FBXL17: variants seen among roughly 807,000 people sequenced by gnomAD.
The protein encoded by FBXL17 is F-box/LRR-repeat protein 17.
In FBXL17, 22 loss-of-function variants were observed where a neutral mutation model predicts 66.2. The observed-to-expected ratio is 0.33, with a 90% confidence interval of 0.24 to 0.47. FBXL17 has a LOEUF of 0.47. Ranked by LOEUF, FBXL17 falls within the 20% of genes least tolerant of loss-of-function variation. The probability of loss-of-function intolerance (pLI) is 1.00; values close to 1 mark genes in which losing one functional copy is unlikely to be tolerated. For missense variants in FBXL17, 878 were observed against 948.2 expected (o/e 0.93, Z 0.97); for synonymous variants, 474 against 400.5 (o/e 1.18, Z -2.19).
chr5:108,022,678 G>A (rs920570140), intron 6 of FBXL17, among the ~76,000 whole-genome samples: 2 of 151,984 alleles, frequency 1.3e-5, no homozygotes, highest in African/African-American at 4.8e-5. Flanking sequence ...CTAAACAAGT[G>A]CAATATCCTA....
intron 6 of FBXL17, among the ~76,000 whole-genome samples, chr5:108,114,174 G>A: frequency 6.6e-6 from 1 of 152,028 alleles, no homozygotes; most frequent in South Asian, 2.1e-4. Context: ...CTCCCGAAGA[G>A]TTTATACTCC....
chr5:108,022,890 A>C (rs1430616961), intron 6 of FBXL17, among the ~76,000 whole-genome samples: 1 of 152,050 alleles, frequency 6.6e-6, no homozygotes, highest in Non-Finnish European at 1.5e-5. Flanking sequence ...TGTCCTAAAA[A>C]CTGATAAAGG....
intron 7 of FBXL17, among the ~76,000 whole-genome samples, chr5:107,972,775 T>G (rs1204747736): frequency 6.6e-6 from 1 of 152,200 alleles, no homozygotes; most frequent in Non-Finnish European, 1.5e-5. Flanking sequence ...CCATAAAGAT[T>G]TGTCACTTTT....
At chr5:108,256,788 C>T (rs1756594939) in intron 4 of FBXL17, among the ~76,000 whole-genome samples, 1 of 151,652 alleles carries the variant, frequency 6.6e-6, no homozygotes, top group Admixed American at 6.6e-5. Flanking sequence ...TATACTATTC[C>T]TATTATTCCT....
chr5:108,342,236 T>C (rs775034086), intron 4 of FBXL17, among the ~76,000 whole-genome samples: 3 of 152,170 alleles, frequency 2.0e-5, no homozygotes, highest in African/African-American at 7.2e-5. Context: ...AATCAAAATA[T>C]CACAAAAATG....
At chr5:108,077,065 G>A (rs1423966499) in intron 6 of FBXL17, among the ~76,000 whole-genome samples, 1 of 151,938 alleles carries the variant, frequency 6.6e-6, no homozygotes, top group Non-Finnish European at 1.5e-5. Flanking sequence ...AAGTTATTTT[G>A]GGACCTCAAA....
intron 6 of FBXL17, among the ~76,000 whole-genome samples, chr5:108,086,651 T>C (rs1333455267): frequency 1.3e-5 from 2 of 152,118 alleles, no homozygotes; most frequent in Non-Finnish European, 2.9e-5. Flanking sequence ...CTCCGCCTCC[T>C]GGGTTCAAGT....
intron 6 of FBXL17, among the ~76,000 whole-genome samples, chr5:108,126,631 G>GTCTCTGTCTCTCTCTCTCTCTC (rs1750708171): frequency 6.2e-5 from 7 of 112,574 alleles, no homozygotes; most frequent in Non-Finnish European, 1.1e-4. Context: ...CTGTCTCTCT[G>GTCTCTGTCTCTCTCTCTCTCTC]TCTCTCTCTC....
At chr5:108,308,083 T>C (rs1276785441) in intron 4 of FBXL17, among the ~76,000 whole-genome samples, 3 of 152,096 alleles carry the variant, frequency 2.0e-5, no homozygotes, top group Non-Finnish European at 4.4e-5. Context: ...AACACGACCT[T>C]GTCCCCATTT....
chr5:108,081,140 A>C (rs995859798), intron 6 of FBXL17, among the ~76,000 whole-genome samples: 1 of 152,038 alleles, frequency 6.6e-6, no homozygotes, highest in African/African-American at 2.4e-5. Context: ...TTATTGCAAC[A>C]AAGAGTCAGT....
At chr5:108,172,366 A>C (rs1580552097) in intron 6 of FBXL17, among the ~76,000 whole-genome samples, 2 of 152,340 alleles carry the variant, frequency 1.3e-5, no homozygotes, top group Non-Finnish European at 2.9e-5. Flanking sequence ...CACAGATATA[A>C]GAGGATAGAA....
chr5:108,134,066 T>C (rs1182085903), intron 6 of FBXL17, among the ~76,000 whole-genome samples: 2 of 152,160 alleles, frequency 1.3e-5, no homozygotes, highest in African/African-American at 2.4e-5. Flanking sequence ...TACCATTACT[T>C]AGGAAAGCCC....
intron 7 of FBXL17, among the ~76,000 whole-genome samples, chr5:107,935,267 A>G (rs1210825538): frequency 6.6e-6 from 1 of 152,084 alleles, no homozygotes; most frequent in Non-Finnish European, 1.5e-5. Flanking sequence ...TTTACACTGG[A>G]AGGAGAATAC....
At chr5:108,163,573 T>C (rs955525923) in intron 6 of FBXL17, among the ~76,000 whole-genome samples, 17 of 152,036 alleles carry the variant, frequency 1.1e-4, no homozygotes, top group East Asian at 5.8e-4. Flanking sequence ...GCTAATTTTT[T>C]TGTGTTTTTA....
chr5:107,879,561 A>G lies in FBXL17; in HGVS notation c.1965+1476T>C, dbSNP rs1389225526. On this transcript the variant is annotated intron_variant, in intron 8 of 8. Transcript: ENST00000542267. ...CATAACTAGCTGGCAAAGGTCTCGT[A>G]TAAGTTGGGATTCTAAAGTGTTTGG... The G allele has an allele frequency of 7.1e-6, 7 of 985,342 alleles. No individual in the cohort carries two copies. The Admixed American group carries it at 3.7e-4, about 52-fold the overall frequency. 61.0% of individuals were successfully genotyped at this position (985,342 alleles called of 1,614,324 possible). A position where few individuals can be genotyped will look rare whatever the true frequency, so the allele number is the denominator to read the frequency against.
chr5:108,062,765 A>G (rs1174183821), intron 6 of FBXL17, among the ~76,000 whole-genome samples: 1 of 152,156 alleles, frequency 6.6e-6, no homozygotes, highest in Non-Finnish European at 1.5e-5. Flanking sequence ...CATATAATCC[A>G]TAAATGTACA....
intron 5 of FBXL17, among the ~76,000 whole-genome samples, chr5:108,212,990 CT>C (rs949910673): frequency 1.3e-5 from 2 of 152,038 alleles, no homozygotes; most frequent in African/African-American, 4.8e-5. Context: ...GAACTGTTGT[CT>C]TTTTTTTCAG....
intron 6 of FBXL17, among the ~76,000 whole-genome samples, chr5:108,087,697 A>G (rs961661224): frequency 2.0e-5 from 3 of 152,124 alleles, no homozygotes; most frequent in Non-Finnish European, 2.9e-5. Flanking sequence ...TTATAAAAAC[A>G]TAAGCAGAAA....
intron 7 of FBXL17, among the ~76,000 whole-genome samples, chr5:107,946,255 T>TTTTTATA (rs1208616623): frequency 5.0e-5 from 2 of 40,400 alleles, no homozygotes; most frequent in African/African-American, 2.3e-4. Context: ...CAATCTCATT[T>TTTTTATA]TATATATATA....
Sources: allele counts gnomAD v4.1 joint callset (sites outside exome capture counted in the v4.1 genomes callset), GRCh38; gene constraint gnomAD v4.1.1; transcripts MANE v1.5; gene names NCBI Gene and HGNC (gene_info 2026-07-23, HGNC 2026-07-21).